The following ADGRB3 variants were observed in gnomAD, a reference collection of about 807,000 sequenced individuals.
The protein encoded by ADGRB3 is brain-specific angiogenesis inhibitor 3.
ADGRB3 carries 37 observed loss-of-function variants against 193.4 expected under a neutral mutation model. The ratio of observed to expected loss-of-function variants is 0.19; its 90% CI spans 0.15 to 0.25. The LOEUF is 0.25. Among genes scored for constraint, ADGRB3 ranks in the 10% least tolerant of loss-of-function variants. ADGRB3 has a pLI of 1.00. For synonymous variants in ADGRB3, 690 were observed against 644.2 expected (o/e 1.07, Z -1.08); for missense variants, 1,637 against 1,852.9 (o/e 0.88, Z 2.14).
intron 13 of ADGRB3, among the ~76,000 whole-genome samples, chr6:69,023,822 C>G (rs1277339754): frequency 6.6e-6 from 1 of 152,076 alleles, no homozygotes; most frequent in Non-Finnish European, 1.5e-5. Flanking sequence ...AGAATAGGAA[C>G]TGACATGTGG....
At chr6:69,374,280 A>C (rs1376531570) in intron 30 of ADGRB3, among the ~76,000 whole-genome samples, 1 of 152,086 alleles carries the variant, frequency 6.6e-6, no homozygotes, top group Non-Finnish European at 1.5e-5. Context: ...ACTTATTGCC[A>C]AGTATAAATG....
At chr6:68,808,458 AT>A (rs1767450249) in intron 3 of ADGRB3, among the ~76,000 whole-genome samples, 1 of 150,892 alleles carries the variant, frequency 6.6e-6, no homozygotes, top group African/African-American at 2.4e-5. Flanking sequence ...CTAACTATAC[AT>A]TTACTATGTT....
intron 3 of ADGRB3, among the ~76,000 whole-genome samples, chr6:68,916,050 C>A (rs942637020): frequency 2.6e-5 from 4 of 151,874 alleles, no homozygotes; most frequent in African/African-American, 9.7e-5. Context: ...AGATGCAACA[C>A]AAGGAGCAAA....
At chr6:68,677,190 A>G (rs1769112174) in intron 3 of ADGRB3, among the ~76,000 whole-genome samples, 1 of 152,222 alleles carries the variant, frequency 6.6e-6, no homozygotes, top group South Asian at 2.1e-4. Context: ...AAAGGCTTAC[A>G]TGGAATACTG....
chr6:69,318,904 C>T (rs1274678208), intron 20 of ADGRB3, among the ~76,000 whole-genome samples: 4 of 150,126 alleles, frequency 2.7e-5, no homozygotes, highest in African/African-American at 9.7e-5. Context: ...CATTCCTAAA[C>T]TTATTTATTT....
chr6:68,871,528 G>C (rs1281102196), intron 3 of ADGRB3, among the ~76,000 whole-genome samples: 1 of 151,794 alleles, frequency 6.6e-6, no homozygotes, highest in Non-Finnish European at 1.5e-5. Flanking sequence ...AGCATTTATA[G>C]CATGTTTTTC....
At chr6:69,003,974 G>A (rs778773291) in intron 11 of ADGRB3, among the ~76,000 whole-genome samples, 13 of 152,142 alleles carry the variant, frequency 8.5e-5, no homozygotes, top group South Asian at 6.2e-4. Context: ...TAGTTTGGTC[G>A]AGTTTTTAAA....
chr6:68,778,345 T>A (rs1766790357), intron 3 of ADGRB3, among the ~76,000 whole-genome samples: 1 of 152,108 alleles, frequency 6.6e-6, no homozygotes, highest in Admixed American at 6.6e-5. Context: ...ATCAATTCTT[T>A]ATAGCTTGTT....
intron 10 of ADGRB3, among the ~76,000 whole-genome samples, chr6:68,990,159 A>G (rs1769193156): frequency 1.3e-5 from 2 of 152,130 alleles, no homozygotes; most frequent in Admixed American, 1.3e-4. Context: ...AATCTAGCAG[A>G]TAAACCTGGA....
chr6:68,915,756 T>G (rs893084675), intron 3 of ADGRB3, among the ~76,000 whole-genome samples: 2 of 151,498 alleles, frequency 1.3e-5, no homozygotes, highest in African/African-American at 4.9e-5. Flanking sequence ...TCTGGAGCTT[T>G]GAGTGGGAGG....
At chr6:69,057,585 T>C (rs1771580968) in intron 15 of ADGRB3, among the ~76,000 whole-genome samples, 1 of 152,074 alleles carries the variant, frequency 6.6e-6, no homozygotes, top group Admixed American at 6.6e-5. Context: ...ATAAGACCTT[T>C]GCTATGTTGA....
intron 23 of ADGRB3, chr6:69,331,725 T>C (rs1278519089): frequency 1.0e-6 from 1 of 985,186 alleles, no homozygotes; most frequent in Non-Finnish European, 1.2e-6. Flanking sequence ...AATGCCAATA[T>C]AACACTAAAA....
At chr6:68,695,308 A>G (rs1361322468) in intron 3 of ADGRB3, among the ~76,000 whole-genome samples, 1 of 152,042 alleles carries the variant, frequency 6.6e-6, no homozygotes, top group East Asian at 1.9e-4. Context: ...TGACATCTGT[A>G]TAGCATGCCA....
chr6:69,292,956 C>G (rs547255969), intron 20 of ADGRB3, among the ~76,000 whole-genome samples: 22 of 151,302 alleles, frequency 1.5e-4, no homozygotes, highest in African/African-American at 4.6e-4. Flanking sequence ...CTTAGAGCAG[C>G]TGCATCTCCT....
intron 17 of ADGRB3, among the ~76,000 whole-genome samples, chr6:69,178,604 T>C (rs1164168515): frequency 1.3e-5 from 2 of 152,206 alleles, no homozygotes; most frequent in Admixed American, 1.3e-4. Flanking sequence ...TTCATTTCCA[T>C]GTTTAGAACT....
At chr6:69,215,213 G>A (rs191125090) in intron 17 of ADGRB3, among the ~76,000 whole-genome samples, 1 of 152,182 alleles carries the variant, frequency 6.6e-6, no homozygotes, top group Admixed American at 6.5e-5. Flanking sequence ...AAGGTTTAAA[G>A]ATTAGTTAAT....
chr6:69,062,910 T>G, intron 15 of ADGRB3, 24 bp from the exon 16 acceptor site: 1 of 1,538,464 alleles, frequency 6.5e-7, no homozygotes, highest in Non-Finnish European at 9.0e-7. Context: ...ATTTCTCCTT[T>G]TAATTATAAT....
intron 20 of ADGRB3, among the ~76,000 whole-genome samples, chr6:69,259,727 T>C (rs1184072535): frequency 6.8e-6 from 1 of 146,612 alleles, no homozygotes; most frequent in Non-Finnish European, 1.5e-5. Context: ...AATTCTAAAA[T>C]GAAAATGTTT....
intron 6 of ADGRB3, among the ~76,000 whole-genome samples, chr6:68,953,667 G>C (rs994408171): frequency 2.0e-5 from 3 of 152,160 alleles, no homozygotes; most frequent in Admixed American, 2.0e-4. Context: ...AATAAAGTGA[G>C]ATGCTAAAAT....
Sources: gnomAD v4.1 joint callset for allele counts (sites outside exome capture counted in the v4.1 genomes callset) on GRCh38, gnomAD v4.1.1 for gene constraint, MANE v1.5 for transcripts, NCBI Gene and HGNC (gene_info 2026-07-23, HGNC 2026-07-21) for gene names.